ZNF831: variants seen among roughly 807,000 people sequenced by gnomAD.
ZNF831 encodes the protein chromosome 20 open reading frame 174.
Under a neutral mutation model 95.8 loss-of-function variants are expected in ZNF831, and 59 were observed. The ratio of observed to expected loss-of-function variants is 0.62; its 90% confidence interval spans 0.50 to 0.77. The LOEUF (loss-of-function observed/expected upper bound fraction) is 0.77. Among genes scored for constraint, ZNF831 ranks in the 30% least tolerant of loss-of-function variants. The pLI, the probability that ZNF831 is intolerant of heterozygous loss-of-function variation, is 0.00. For synonymous variants in ZNF831, 961 were observed against 925.5 expected (o/e 1.04, Z -0.70); for missense variants, 2,205 against 2,164.0 (o/e 1.02, Z -0.38).
chr20:59,250,814 C>A (rs1987846294), intron 4 of ZNF831, among the ~76,000 whole-genome samples: 1 of 151,884 alleles, frequency 6.6e-6, no homozygotes, highest in Non-Finnish European at 1.5e-5. Flanking sequence ...GAGGAAATTC[C>A]CCCAAAAGTG....
chr20:59,163,398 A>C (rs903823086), upstream of ZNF831, among the ~76,000 whole-genome samples: 2 of 152,206 alleles, frequency 1.3e-5, no homozygotes, highest in Non-Finnish European at 2.9e-5. Context: ...ATGTTGAACA[A>C]AATATCACCA....
chr20:59,254,458 A>G lies in ZNF831; in HGVS notation c.4749A>G (p.Glu1583=), dbSNP rs1568801452. The change falls in exon 6 of 6, where the codon GAA becomes GAG. Residue 1583 remains glutamate (E), a synonymous_variant. Coordinates refer to ENST00000371030, the MANE Select transcript of ZNF831 (RefSeq NM_178457.3). This position sits in a 1 kb window ranked among gnomAD's most constrained non-coding sequence, Gnocchi z 4.5. ...GTTCAGCTAGTTCACACCACAAGGA[A>G]GGGAGACACAAGACGTTTTTTCCTT... ...GPSSASSHHK[E]GRHKTFFPSR... 1 of 1,614,202 alleles carries G rather than the reference A, an allele frequency of 6.2e-7. No individual in the cohort carries two copies. The highest frequency in any genetic ancestry group is 8.5e-7 in the Non-Finnish European group (1 of 1,180,016).
chr20:59,123,657 G>GGCAAGGAGGAAGAAAGT (rs1979074432), intron 1 of ZNF831, among the ~76,000 whole-genome samples: 1 of 151,970 alleles, frequency 6.6e-6, no homozygotes, highest in Admixed American at 6.5e-5. Context: ...TGACAAGCAG[G>GGCAAGGAGGAAGAAAGT]GCAAGGAGGA....
chr20:59,251,960 A>G lies in ZNF831; in HGVS notation c.4028-1018A>G, dbSNP rs116030973. Among the ~76,000 whole-genome samples the G allele has an allele frequency of 6.0e-3, 914 of 152,290 alleles. 4 individuals carry two copies. Among genetic ancestry groups the G allele is most frequent in the African/African-American group, 0.021 (856 of 41,548 alleles). ...AATGAAAACAGGCCATAGGGGTTAGAGAACTGTTGAGAAGATAGAGAGGTG... is the reference window on the plus strand; with the variant it reads ...AATGAAAACAGGCCATAGGGGTTAGGGAACTGTTGAGAAGATAGAGAGGTG... On this transcript the variant is annotated intron_variant, in intron 4 of 5. Coordinates refer to ENST00000371030, the MANE Select transcript of ZNF831 (RefSeq NM_178457.3).
At chr20:59,195,382 C>A (rs1274219879) in intron 2 of ZNF831, among the ~76,000 whole-genome samples, 1 of 152,204 alleles carries the variant, frequency 6.6e-6, no homozygotes, top group African/African-American at 2.4e-5. Context: ...GCCGCGGCCA[C>A]TGAGGACGGT....
chr20:59,256,569 C>T lies in ZNF831; in HGVS notation c.*1826C>T, dbSNP rs1299865904. On this transcript the variant is annotated 3_prime_UTR_variant, in exon 6 of 6. Coordinates refer to ENST00000371030, the MANE Select transcript of ZNF831 (RefSeq NM_178457.3). The stretch of plus-strand genomic sequence containing the variant: ...AAGAGTCTTTCTGTACCTTAGTTTC[C>T]CTAAGTGAGAATAAGAGAGTTGGAC... The T allele has an allele frequency of 1.3e-5, 2 of 152,118 alleles. No homozygotes were observed. 9.4% of individuals were successfully genotyped at this position (152,118 alleles called of 1,614,324 possible). A position where few individuals can be genotyped will look rare whatever the true frequency, so the allele number is the denominator to read the frequency against.
chr20:59,165,748 T>C (rs755393897), intron 1 of ZNF831, among the ~76,000 whole-genome samples: 2 of 152,262 alleles, frequency 1.3e-5, no homozygotes, highest in South Asian at 4.1e-4. Flanking sequence ...TTCCTTTTTT[T>C]TTCTTCTTTT....
chr20:59,232,793 G>A (rs1257605308), intron 4 of ZNF831, among the ~76,000 whole-genome samples: 7 of 152,068 alleles, frequency 4.6e-5, no homozygotes, highest in South Asian at 2.1e-4. Context: ...GATGAGCCAC[G>A]GACCACAGAT....
chr20:59,192,231 G>T lies in ZNF831; in HGVS notation c.1212G>T (p.Leu404=). 2 of 1,594,152 alleles carry T rather than the reference G, an allele frequency of 1.3e-6. No homozygotes were observed. The highest frequency in any genetic ancestry group is 1.3e-5 in the African/African-American group (1 of 74,488). The change falls in exon 2 of 6, where the codon CTG becomes CTT. Residue 404 remains leucine (L), a synonymous_variant. Transcript: ENST00000371030. The surrounding 1 kb of genome is among the most constrained non-coding windows in gnomAD (Gnocchi z 5.2). ...GCCTGGAGCTGGAGAAGAAGCGGCT[G>T]GAGGAGCGCATCGCCCAGCTCATCT... The part of the protein sequence containing the change: ...EAGLELEKKR[L]EERIAQLISH...
intron 3 of ZNF831, among the ~76,000 whole-genome samples, chr20:59,204,923 A>C (rs1472446210): frequency 6.6e-6 from 1 of 152,190 alleles, no homozygotes; most frequent in Non-Finnish European, 1.5e-5. Context: ...TACCCTGCCC[A>C]TGACTAAACT....
intron 3 of ZNF831, among the ~76,000 whole-genome samples, chr20:59,196,948 T>A (rs2146611702): frequency 6.6e-6 from 1 of 151,826 alleles, no homozygotes; most frequent in Admixed American, 6.5e-5. Flanking sequence ...AGCTATTTTT[T>A]TTTTTTTTTT....
chr20:59,184,227 T>C (rs1178961661), intron 1 of ZNF831, among the ~76,000 whole-genome samples: 1 of 152,226 alleles, frequency 6.6e-6, no homozygotes, highest in Admixed American at 6.5e-5. Context: ...TTATTTCTTT[T>C]TATCGATGAA....
chr20:59,159,158 A>G (rs1980703914), upstream of ZNF831, among the ~76,000 whole-genome samples: 1 of 152,150 alleles, frequency 6.6e-6, no homozygotes, highest in African/African-American at 2.4e-5. Context: ...AATACAGATG[A>G]CTTGTGGTAC....
At position 59,255,057 on chromosome 20, in the gene ZNF831, C is replaced by T. The variant is rs533545065; in HGVS notation, c.*314C>T. 1.2e-5 allele frequency: 3 copies of T among 252,412 alleles called. No individual in the cohort carries two copies. Among genetic ancestry groups the T allele is most frequent in the African/African-American group, 4.4e-5 (2 of 45,488 alleles). The allele number at this position is 252,412 out of a possible 1,614,324, so 15.6% of individuals were successfully genotyped here. On this transcript the variant is annotated 3_prime_UTR_variant, in exon 6 of 6. Coordinates refer to ENST00000371030, the MANE Select transcript of ZNF831 (RefSeq NM_178457.3). ...CCTTGACTCCCAGCCTCGTCTTCTG[C>T]ACCTGTCCCCCACTGCCTCTCTGCA...
chr20:59,130,945 C>T (rs984787989), intron 1 of ZNF831, among the ~76,000 whole-genome samples: 1 of 152,124 alleles, frequency 6.6e-6, no homozygotes, highest in Non-Finnish European at 1.5e-5. Context: ...GGCTAGTAAT[C>T]CTCTTATCAC....
At chr20:59,201,432 T>C (rs980354518) in intron 3 of ZNF831, among the ~76,000 whole-genome samples, 1 of 152,214 alleles carries the variant, frequency 6.6e-6, no homozygotes, top group African/African-American at 2.4e-5. Flanking sequence ...ATGGCTTATC[T>C]TTCTATTCTT....
At chr20:59,249,073 C>G (rs945976476) in intron 4 of ZNF831, among the ~76,000 whole-genome samples, 1 of 152,236 alleles carries the variant, frequency 6.6e-6, no homozygotes, top group Admixed American at 6.5e-5. Context: ...GGGTCTCTTG[C>G]TCCCGCAAGC....
chr20:59,186,941 T>TG (rs1232531684), intron 1 of ZNF831, among the ~76,000 whole-genome samples: 2 of 145,938 alleles, frequency 1.4e-5, no homozygotes, highest in African/African-American at 2.6e-5. Flanking sequence ...GCTTTCAGGA[T>TG]GAAAAAAAAA....
upstream of ZNF831, among the ~76,000 whole-genome samples, chr20:59,161,725 G>A (rs891505324): frequency 3.3e-5 from 5 of 152,190 alleles, no homozygotes; most frequent in African/African-American, 7.2e-5. Context: ...ATAAACATAC[G>A]AGTGCAGGTG....
Sources: allele counts gnomAD v4.1 joint callset (sites outside exome capture counted in the v4.1 genomes callset), GRCh38; gene constraint gnomAD v4.1.1; non-coding constraint Gnocchi (gnomAD v3.1); transcripts MANE v1.5; gene names NCBI Gene and HGNC (gene_info 2026-07-23, HGNC 2026-07-21).